The following SCN1A variants were observed in gnomAD, a reference collection of about 807,000 sequenced individuals.
The protein encoded by SCN1A is sodium voltage-gated channel alpha subunit 1.
In SCN1A, 13 loss-of-function variants were observed where a neutral mutation model predicts 193.7. That is an observed-to-expected ratio of 0.07 (90% confidence interval 0.04 to 0.11). The LOEUF (loss-of-function observed/expected upper bound fraction) is 0.11. Ranked by LOEUF, SCN1A falls within the 10% of genes least tolerant of loss-of-function variation. The pLI, the probability that SCN1A is intolerant of heterozygous loss-of-function variation, is 1.00. For synonymous variants in SCN1A, 781 were observed against 843.6 expected, an observed-to-expected ratio of 0.93 and a Z score of 1.29; for missense variants, 1,432 against 2,451.1, an observed-to-expected ratio of 0.58 and a Z score of 8.78.
intron 19 of SCN1A, among the ~76,000 whole-genome samples, chr2:166,031,586 T>C (rs900352052): frequency 6.6e-6 from 1 of 152,012 alleles, no homozygotes; most frequent in Non-Finnish European, 1.5e-5. Context: ...GATAAACTTA[T>C]AAAACAATTT....
rs1684756551 is a variant in SCN1A at position 166,074,102 on chromosome 2, C to CAAGT, written c.-49-436_-49-433dup. On this transcript the variant is annotated intron_variant, in intron 3 of 28. Coordinates refer to ENST00000674923, the MANE Select transcript of SCN1A (RefSeq NM_001165963.4). ...ATAAAATCTAACCCTCTAGGTCTGA[C>CAAGT]AAGTGATTCCTGGCCAAGATAGTCA... Among the ~76,000 whole-genome samples the CAAGT allele has an allele frequency of 1.3e-5, 2 of 152,178 alleles. 1 individual carries two copies. Among genetic ancestry groups the CAAGT allele is most frequent in the Admixed American group, 1.3e-4 (2 of 15,284 alleles).
chr2:166,028,104 G>A (rs16851368), intron 19 of SCN1A, among the ~76,000 whole-genome samples: 4,100 of 152,166 alleles, frequency 0.027, 214 homozygotes, highest in African/African-American at 0.095. Context: ...AAAAGTGAAC[G>A]TGGAGGAATA....
At chr2:166,017,726 G>A (rs985485500) in intron 19 of SCN1A, among the ~76,000 whole-genome samples, 8 of 151,782 alleles carry the variant, frequency 5.3e-5, no homozygotes, top group East Asian at 1.9e-4. Flanking sequence ...AACAATTTTC[G>A]CCAAAATTAA....
intron 11 of SCN1A, 54 bp downstream of exon 11, chr2:166,047,573 T>A: frequency 6.3e-7 from 1 of 1,588,134 alleles, no homozygotes; most frequent in Non-Finnish European, 8.6e-7. Context: ...ATAACTCAAT[T>A]GGTTTTCTTG....
chr2:166,109,147 G>T (rs1689018025), intron 2 of SCN1A, among the ~76,000 whole-genome samples: 1 of 151,970 alleles, frequency 6.6e-6, no homozygotes, highest in African/African-American at 2.4e-5. Context: ...AAGAATAATT[G>T]TTCATCTTAG....
chr2:166,141,102 A>T (rs1558915869), intron 1 of SCN1A, among the ~76,000 whole-genome samples: 1 of 152,062 alleles, frequency 6.6e-6, no homozygotes, highest in Admixed American at 6.5e-5. Context: ...TAAATCAGCC[A>T]TTCTGCCCTG....
rs754371368 is a variant in SCN1A at position 165,991,452 on chromosome 2, C to T, written c.5823G>A (p.Thr1941=). Residue 1941 remains threonine (T), a synonymous_variant, in exon 29 of 29, where the codon ACG becomes ACA. Coordinates refer to ENST00000674923, the MANE Select transcript of SCN1A (RefSeq NM_001165963.4). ...LKRTVKQASF[T]YNKNKIKGGA... ...CACCTTTGATTTTGTTTTTATTGTA[C>T]GTAAAGGAAGCTTGTTTTACAGTTC... 3.0e-5 allele frequency: 48 copies of T among 1,613,630 alleles called. No individual in the cohort carries two copies. Among genetic ancestry groups the T allele is most frequent in the East Asian group, 4.5e-5 (2 of 44,854 alleles).
chr2:166,104,562 G>A (rs1688484969), intron 2 of SCN1A, among the ~76,000 whole-genome samples: 1 of 152,084 alleles, frequency 6.6e-6, no homozygotes, highest in East Asian at 1.9e-4. Flanking sequence ...GGGCAACATG[G>A]CAAAACCCCG....
chr2:166,021,928 A>T (rs925023109), intron 19 of SCN1A, among the ~76,000 whole-genome samples: 2 of 152,192 alleles, frequency 1.3e-5, no homozygotes, highest in Non-Finnish European at 2.9e-5. Context: ...ACATGAAAAA[A>T]TTTGATTAAA....
chr2:166,023,356 A>G (rs1694316203), intron 19 of SCN1A, among the ~76,000 whole-genome samples: 2 of 152,242 alleles, frequency 1.3e-5, no homozygotes, highest in African/African-American at 4.8e-5. Context: ...ACAGTAGTGG[A>G]AAGAAAGCCA....
chr2:166,033,879 C>T (rs1341797613), intron 19 of SCN1A, among the ~76,000 whole-genome samples: 2 of 152,040 alleles, frequency 1.3e-5, no homozygotes, highest in Non-Finnish European at 2.9e-5. Flanking sequence ...CATTAGTCCT[C>T]ATCAAATGCT....
rs140431192 is a variant in SCN1A at position 165,994,650 on chromosome 2, AAAACAAAC to A, written c.4582-242_4582-235del. On this transcript the variant is annotated intron_variant, in intron 27 of 28. Transcript: ENST00000674923. ...CCTTATCCAAAGAAGGTTTCTGATA[AAAACAAAC>A]AAACAAACAAACAAACAAACAAAAG... 0.15 allele frequency among the ~76,000 whole-genome samples: 21,936 copies of A among 150,892 alleles called. 1,955 individuals are homozygous for A. Among genetic ancestry groups the A allele is most frequent in the East Asian group, 0.33 (1,674 of 5,048 alleles).
intron 17 of SCN1A, among the ~76,000 whole-genome samples, 165 bp from the exon 18 acceptor site, chr2:166,038,297 A>G (rs796772277): frequency 1.4e-4 from 22 of 151,970 alleles, no homozygotes; most frequent in African/African-American, 5.3e-4. Flanking sequence ...GAAAAGCTGG[A>G]TTTTCCATAT....
In SCN1A at chr2:166,042,327, A is replaced by G; in HGVS notation, c.2141T>C (p.Met714Thr). ...ATTTGTTAGAATGCTGGCTATACTC[A>G]TTGCTCGTTGCCTTTGGGAAGGATC... ...LEDPSQRQRA[M>T]SIASILTNTV... Residue 714 changes from methionine to threonine, a missense_variant, in exon 15 of 29, where the codon ATG (methionine) becomes ACG (threonine). By Grantham distance (81) the Met-to-Thr change is moderately conservative (BLOSUM62 -1). This residue lies in a region of SCN1A where 316 missense variants were observed against 362.1 expected (regional missense o/e 0.87). Coordinates refer to ENST00000674923, the MANE Select transcript of SCN1A (RefSeq NM_001165963.4). The G allele has an allele frequency of 6.2e-7, 1 of 1,613,928 alleles. No homozygotes were observed. Among genetic ancestry groups the G allele is most frequent in the Non-Finnish European group, 8.5e-7 (1 of 1,179,878 alleles).
rs1684709579 is a variant in SCN1A at position 166,073,606 on chromosome 2, G to A, written c.16C>T (p.Leu6Phe). The A allele has an allele frequency of 1.2e-6, 2 of 1,614,002 alleles. No individual in the cohort carries two copies. The highest frequency in any genetic ancestry group is 2.2e-5 in the East Asian group (1 of 44,892). ...AAGCTGTCAGGTCCTGGTGGTACAAGCACTGTTTGCTCCATCTTGTCATCC... is the reference window on the plus strand; with the variant it reads ...AAGCTGTCAGGTCCTGGTGGTACAAACACTGTTTGCTCCATCTTGTCATCC... MEQTV[L>F]VPPGPDSFNF... The change falls in exon 4 of 29, where the codon CTT becomes TTT. Residue 6 changes from leucine to phenylalanine, a missense_variant. Physicochemically the swap from Leu to Phe is conservative, Grantham distance 22 (BLOSUM62 0). This residue lies in a region of SCN1A where 55 missense variants were observed against 58.4 expected (regional missense o/e 0.94). Coordinates refer to ENST00000674923, the MANE Select transcript of SCN1A (RefSeq NM_001165963.4).
chr2:166,122,632 T>C (rs1202139437), intron 2 of SCN1A, among the ~76,000 whole-genome samples: 1 of 152,108 alleles, frequency 6.6e-6, no homozygotes, highest in Non-Finnish European at 1.5e-5. Flanking sequence ...GGGGAAAGAA[T>C]TGTCTTTTCA....
chr2:166,121,114 A>T (rs1376335813), intron 2 of SCN1A, among the ~76,000 whole-genome samples: 1 of 144,370 alleles, frequency 6.9e-6, no homozygotes, highest in East Asian at 2.0e-4. Flanking sequence ...GTCAGGAAAA[A>T]AAAGAAAAAA....
chr2:166,052,238 T>C (rs1157785768), intron 8 of SCN1A, among the ~76,000 whole-genome samples: 1 of 152,026 alleles, frequency 6.6e-6, no homozygotes, highest in Non-Finnish European at 1.5e-5. Flanking sequence ...TTCATGTTCT[T>C]CATGGAGCCT....
chr2:166,012,612 CTTTTTTTT>C (rs60890420), intron 21 of SCN1A, among the ~76,000 whole-genome samples: 11 of 77,208 alleles, frequency 1.4e-4, no homozygotes, highest in East Asian at 7.8e-4. Flanking sequence ...CTTCTATTGG[CTTTTTTTT>C]TTTTTTTTTT....
Sources: gnomAD v4.1 joint callset for allele counts (sites outside exome capture counted in the v4.1 genomes callset) on GRCh38, gnomAD v4.1.1 for gene constraint, gnomAD v4.1.1 regional missense constraint, MANE v1.5 for transcripts, NCBI Gene and HGNC (gene_info 2026-07-23, HGNC 2026-07-21) for gene names.